Variants in KCNIP4 observed in about 807,000 individuals in gnomAD.
KCNIP4 encodes potassium voltage-gated channel interacting protein 4.
KCNIP4 carries 12 observed loss-of-function variants against 34.0 expected under a neutral mutation model. That is an observed-to-expected ratio of 0.35 (90% CI 0.23 to 0.57). KCNIP4 has a LOEUF of 0.57. Among genes scored for constraint, KCNIP4 ranks in the 20% least tolerant of loss-of-function variants. The pLI, the probability that KCNIP4 is intolerant of heterozygous loss-of-function variation, is 0.83. For missense variants in KCNIP4, 238 were observed against 311.7 expected (o/e 0.76, Z 1.78); for synonymous variants, 124 against 102.2 (o/e 1.21, Z -1.29).
chr4:21,587,544 AAAC>A lies in KCNIP4; in HGVS notation c.61+361024_61+361026del, dbSNP rs148342637. 2.9e-3 allele frequency among the ~76,000 whole-genome samples: 439 copies of A among 150,838 alleles called. 2 individuals are homozygous for A. Among genetic ancestry groups the A allele is most frequent in the African/African-American group, 0.01 (414 of 41,146 alleles). ...GCTTGGGAAATGTGCTCTTCCCTGC[AAAC>A]AACAACAACAACAACAACAAAAACC... is the stretch of plus-strand genomic sequence containing the variant. On this transcript the variant is annotated intron_variant, in intron 1 of 8. Transcript: ENST00000382152.
chr4:21,237,217 C>T (rs1289043909), intron 1 of KCNIP4, among the ~76,000 whole-genome samples: 1 of 152,078 alleles, frequency 6.6e-6, no homozygotes, highest in South Asian at 2.1e-4. Context: ...CAGAACAATG[C>T]TGGGTGATGT....
chr4:21,891,816 T>C (rs765506354), intron 1 of KCNIP4, among the ~76,000 whole-genome samples: 1 of 152,116 alleles, frequency 6.6e-6, no homozygotes, highest in Non-Finnish European at 1.5e-5. Flanking sequence ...TCCCTTTAAA[T>C]CAAAGCACTA....
At chr4:21,575,428 C>A (rs1001805014) in intron 1 of KCNIP4, among the ~76,000 whole-genome samples, 9 of 152,160 alleles carry the variant, frequency 5.9e-5, no homozygotes, top group African/African-American at 1.9e-4. Context: ...ACCTAAGGAA[C>A]AACTGGGCTA....
At chr4:21,474,071 G>A (rs1730702274) in intron 1 of KCNIP4, among the ~76,000 whole-genome samples, 2 of 152,070 alleles carry the variant, frequency 1.3e-5, no homozygotes, top group Admixed American at 6.6e-5. Context: ...ACAGGGCTGT[G>A]GAGTAACAGA....
chr4:21,506,860 C>T (rs185905808), intron 1 of KCNIP4, among the ~76,000 whole-genome samples: 161 of 151,476 alleles, frequency 1.1e-3, no homozygotes, highest in Non-Finnish European at 2.1e-3. Flanking sequence ...GGCATGATCA[C>T]GGTTCACTGC....
chr4:21,443,809 T>TTG (rs1727706905), intron 1 of KCNIP4, among the ~76,000 whole-genome samples: 1 of 152,032 alleles, frequency 6.6e-6, no homozygotes, highest in Non-Finnish European at 1.5e-5. Context: ...CATTTGTGCC[T>TTG]GAAGGTCCAG....
intron 1 of KCNIP4, among the ~76,000 whole-genome samples, chr4:21,372,232 G>A (rs1274161332): frequency 6.8e-6 from 1 of 147,200 alleles, no homozygotes; most frequent in South Asian, 2.1e-4. Flanking sequence ...TATCATGAGA[G>A]CAGATTGCTA....
At chr4:20,871,423 T>C (rs532327846) in intron 2 of KCNIP4, among the ~76,000 whole-genome samples, 1 of 152,034 alleles carries the variant, frequency 6.6e-6, no homozygotes, top group South Asian at 2.1e-4. Flanking sequence ...GCAGAAAATA[T>C]AACAGTAATT....
intron 1 of KCNIP4, among the ~76,000 whole-genome samples, chr4:21,524,794 A>ATT (rs139681391): frequency 3.3e-5 from 5 of 150,152 alleles, no homozygotes; most frequent in African/African-American, 1.2e-4. Flanking sequence ...TTGACTAGTG[A>ATT]TTTTTTTTTT....
chr4:21,559,033 G>T (rs185822517), intron 1 of KCNIP4, among the ~76,000 whole-genome samples: 1 of 152,178 alleles, frequency 6.6e-6, no homozygotes, highest in East Asian at 1.9e-4. Flanking sequence ...TTTGGAATCA[G>T]AACCACCTTA....
intron 1 of KCNIP4, among the ~76,000 whole-genome samples, chr4:21,530,198 C>G (rs1214712026): frequency 6.6e-6 from 1 of 152,106 alleles, no homozygotes; most frequent in East Asian, 1.9e-4. Flanking sequence ...TATTCCGGAT[C>G]AAATGTGTTT....
intron 1 of KCNIP4, among the ~76,000 whole-genome samples, chr4:21,662,074 C>G (rs576225180): frequency 1.2e-4 from 18 of 152,188 alleles, no homozygotes; most frequent in South Asian, 4.1e-4. Flanking sequence ...TTCCTCACAC[C>G]ACCTGGACAA....
At chr4:20,957,611 C>T (rs984951012) in intron 1 of KCNIP4, among the ~76,000 whole-genome samples, 1 of 151,858 alleles carries the variant, frequency 6.6e-6, no homozygotes, top group Admixed American at 6.6e-5. Context: ...TGACTTGGAA[C>T]GAGCTGTTTA....
At chr4:21,108,693 G>T (rs1748828055) in intron 1 of KCNIP4, among the ~76,000 whole-genome samples, 1 of 151,632 alleles carries the variant, frequency 6.6e-6, no homozygotes, top group Non-Finnish European at 1.5e-5. Flanking sequence ...AGAGTTTCCA[G>T]TTCTTCTGCT....
At chr4:21,888,359 A>T (rs1021484382) in intron 1 of KCNIP4, among the ~76,000 whole-genome samples, 5 of 152,134 alleles carry the variant, frequency 3.3e-5, no homozygotes, top group African/African-American at 7.2e-5. Context: ...GATAATGTTT[A>T]TCTTTTAACA....
At chr4:20,821,908 TTTTC>T (rs1217079634) in intron 3 of KCNIP4, among the ~76,000 whole-genome samples, 1 of 152,120 alleles carries the variant, frequency 6.6e-6, no homozygotes, top group African/African-American at 2.4e-5. Context: ...CACACACACA[TTTTC>T]TTTATCCACT....
chr4:21,105,169 C>T lies in KCNIP4; in HGVS notation c.62-222460G>A, dbSNP rs1748392018. Among the ~76,000 whole-genome samples the T allele has an allele frequency of 1.3e-5, 2 of 151,542 alleles. 1 individual carries two copies. Among genetic ancestry groups the T allele is most frequent in the African/African-American group, 4.9e-5 (2 of 40,860 alleles). ...TAGCTTGATGGGGATGGCATTGAAT[C>T]TATAAATTACCTTGGGCAGTATGGC... On this transcript the variant is annotated intron_variant, in intron 1 of 8. Coordinates refer to ENST00000382152, the MANE Select transcript of KCNIP4 (RefSeq NM_025221.6).
At chr4:20,980,803 C>A (rs1167972647) in intron 1 of KCNIP4, among the ~76,000 whole-genome samples, 1 of 147,288 alleles carries the variant, frequency 6.8e-6, no homozygotes, top group Non-Finnish European at 1.5e-5. Flanking sequence ...CTTCACTTCT[C>A]CACCATAAAA....
chr4:21,202,995 A>G (rs1314699755), intron 1 of KCNIP4, among the ~76,000 whole-genome samples: 2 of 152,178 alleles, frequency 1.3e-5, no homozygotes, highest in Non-Finnish European at 1.5e-5. Context: ...TGCCCACCCC[A>G]GGCCACAAGT....
Sources: allele counts gnomAD v4.1 joint callset (sites outside exome capture counted in the v4.1 genomes callset), GRCh38; gene constraint gnomAD v4.1.1; transcripts MANE v1.5; gene names NCBI Gene and HGNC (gene_info 2026-07-23, HGNC 2026-07-21).